The following TRPC7 variants were observed in gnomAD, a reference collection of about 807,000 sequenced individuals.
The protein encoded by TRPC7 is transient receptor potential cation channel subfamily C member 7.
In TRPC7, 42 loss-of-function variants were observed where a neutral mutation model predicts 90.1. The ratio of observed to expected loss-of-function variants is 0.47; its 90% confidence interval spans 0.36 to 0.60. TRPC7 has a LOEUF of 0.60. TRPC7 is among the 20% of genes least tolerant of loss of function. TRPC7 has a pLI of 0.00. For synonymous variants in TRPC7, 451 were observed against 436.3 expected (o/e 1.03, Z -0.42); for missense variants, 955 against 1,112.3 (o/e 0.86, Z 2.01).
chr5:136,258,058 G>A (rs1756740531), intron 5 of TRPC7, among the ~76,000 whole-genome samples: 1 of 152,118 alleles, frequency 6.6e-6, no homozygotes, highest in Non-Finnish European at 1.5e-5. Context: ...TTGGAGTTTG[G>A]AGGTAACTTC....
At chr5:136,350,258 G>T (rs1180204334) in intron 2 of TRPC7, among the ~76,000 whole-genome samples, 2 of 152,198 alleles carry the variant, frequency 1.3e-5, no homozygotes, top group African/African-American at 2.4e-5. Flanking sequence ...AGGAGAGAGA[G>T]AACCAGGTCA....
chr5:136,356,228 G>A (rs1760368383), intron 2 of TRPC7, among the ~76,000 whole-genome samples: 1 of 152,190 alleles, frequency 6.6e-6, no homozygotes, highest in South Asian at 2.1e-4. Context: ...TAATCAAGAA[G>A]TCTAAGCCCT....
chr5:136,345,570 A>G (rs1759980352), intron 2 of TRPC7, among the ~76,000 whole-genome samples: 2 of 152,090 alleles, frequency 1.3e-5, no homozygotes, highest in Non-Finnish European at 2.9e-5. Context: ...CAAAAAAAAA[A>G]ATGAGTCCTT....
At position 136,243,698 on chromosome 5, in the gene TRPC7, C is replaced by A. The variant is rs1330927692; in HGVS notation, c.1844+3773G>T. ...TTTTTTTTTAATTAACAAAGAAGAT[C>A]TCTTGGGGGTGACATGCACCGGAGA... On this transcript the variant is annotated intron_variant, in intron 7 of 11. Transcript: ENST00000513104. 2.6e-5 allele frequency among the ~76,000 whole-genome samples: 4 copies of A among 150,984 alleles called. 1 individual carries two copies. Among genetic ancestry groups the A allele is most frequent in the Non-Finnish European group, 5.9e-5 (4 of 67,812 alleles).
At chr5:136,301,601 G>T (rs889576857) in intron 3 of TRPC7, among the ~76,000 whole-genome samples, 12 of 152,018 alleles carry the variant, frequency 7.9e-5, no homozygotes, top group African/African-American at 1.7e-4. Flanking sequence ...TCTTAAGAAG[G>T]TTCTTTGTAA....
intron 7 of TRPC7, among the ~76,000 whole-genome samples, chr5:136,240,724 T>C (rs1048140301): frequency 6.6e-6 from 1 of 152,180 alleles, no homozygotes; most frequent in Admixed American, 6.5e-5. Flanking sequence ...CATGCGGATT[T>C]GGATTCAGAT....
chr5:136,286,287 C>T (rs568640576), intron 3 of TRPC7, among the ~76,000 whole-genome samples: 38 of 152,296 alleles, frequency 2.5e-4, no homozygotes, highest in African/African-American at 8.4e-4. Context: ...GACAATCCTC[C>T]ATCAAATGGT....
chr5:136,222,890 C>T (rs1755504847), intron 10 of TRPC7, among the ~76,000 whole-genome samples: 1 of 152,238 alleles, frequency 6.6e-6, no homozygotes, highest in African/African-American at 2.4e-5. Flanking sequence ...CAGTGCCCAT[C>T]TCCAAGGAAT....
At chr5:136,302,846 G>C (rs1347662961) in intron 3 of TRPC7, among the ~76,000 whole-genome samples, 2 of 151,992 alleles carry the variant, frequency 1.3e-5, no homozygotes, top group African/African-American at 4.8e-5. Context: ...TAGTCTCTGT[G>C]CCCAATGAAA....
chr5:136,361,154 A>C (rs1399001860), intron 1 of TRPC7, among the ~76,000 whole-genome samples: 1 of 152,228 alleles, frequency 6.6e-6, no homozygotes, highest in Non-Finnish European at 1.5e-5. Context: ...ATGATAAGCA[A>C]AATGAATCTC....
chr5:136,288,680 CA>C (rs1474349351), intron 3 of TRPC7, among the ~76,000 whole-genome samples: 2 of 152,218 alleles, frequency 1.3e-5, no homozygotes, highest in African/African-American at 4.8e-5. Flanking sequence ...TTGCTCACAT[CA>C]TGCTGAAAGG....
chr5:136,292,483 A>G (rs1757993348), intron 3 of TRPC7, among the ~76,000 whole-genome samples: 1 of 152,250 alleles, frequency 6.6e-6, no homozygotes, highest in Non-Finnish European at 1.5e-5. Context: ...TCCCACAGAA[A>G]TACAAACTAC....
At chr5:136,348,855 T>C (rs1252543765) in intron 2 of TRPC7, among the ~76,000 whole-genome samples, 1 of 152,246 alleles carries the variant, frequency 6.6e-6, no homozygotes, top group African/African-American at 2.4e-5. Context: ...TTAATGCTAC[T>C]CTACTGTGAT....
At chr5:136,297,009 G>A (rs1267841132) in intron 3 of TRPC7, among the ~76,000 whole-genome samples, 2 of 151,996 alleles carry the variant, frequency 1.3e-5, no homozygotes, top group African/African-American at 4.8e-5. Context: ...CCAATCCCAG[G>A]ACACCTGCAA....
intron 3 of TRPC7, among the ~76,000 whole-genome samples, chr5:136,312,495 C>CA (rs977650060): frequency 4.4e-4 from 66 of 150,858 alleles, no homozygotes; most frequent in Non-Finnish European, 3.7e-4. Flanking sequence ...CACACACACA[C>CA]AAAAAAAAAC....
chr5:136,318,681 G>T (rs1759102348), intron 2 of TRPC7, among the ~76,000 whole-genome samples: 1 of 152,040 alleles, frequency 6.6e-6, no homozygotes, highest in African/African-American at 2.4e-5. Context: ...GACTCTCTTA[G>T]TTATTCCAAT....
At chr5:136,298,168 A>T (rs1017243892) in intron 3 of TRPC7, among the ~76,000 whole-genome samples, 1 of 152,194 alleles carries the variant, frequency 6.6e-6, no homozygotes, top group African/African-American at 2.4e-5. Context: ...CAATGTGGTG[A>T]CCACATTCAG....
In TRPC7 at chr5:136,241,112, T is replaced by C. The variant is rs939751443; in HGVS notation, c.1844+6359A>G. ...GACAAGTTGGGTGGGGCTGAATCAG[T>C]GCCTCCTGAATCCCTCCCTCATAAA... On this transcript the variant is annotated intron_variant, in intron 7 of 11. Coordinates refer to ENST00000513104, the MANE Select transcript of TRPC7 (RefSeq NM_020389.3). Among the ~76,000 whole-genome samples the C allele has an allele frequency of 3.3e-5, 5 of 152,266 alleles. No homozygotes were observed. The East Asian group carries it at 9.7e-4, about 29-fold the overall frequency.
chr5:136,344,173 A>G (rs1759932457), intron 2 of TRPC7, among the ~76,000 whole-genome samples: 1 of 152,252 alleles, frequency 6.6e-6, no homozygotes, highest in South Asian at 2.1e-4. Context: ...ACACAGGAAC[A>G]GTAAACCAAA....
Sources: allele counts gnomAD v4.1 joint callset (sites outside exome capture counted in the v4.1 genomes callset), GRCh38; gene constraint gnomAD v4.1.1; transcripts MANE v1.5; gene names NCBI Gene and HGNC (gene_info 2026-07-23, HGNC 2026-07-21).